The following HPN variants were observed in gnomAD, a reference collection of about 807,000 sequenced individuals.
HPN encodes the protein serine protease hepsin.
HPN carries 13 observed loss-of-function variants against 55.9 expected under a neutral mutation model. The observed-to-expected ratio is 0.23, with a 90% CI of 0.15 to 0.37. The LOEUF (loss-of-function observed/expected upper bound fraction) is 0.37, where lower values mean the gene tolerates loss of function less well. Among genes scored for constraint, HPN ranks in the 10% least tolerant of loss-of-function variants. The pLI, the probability that HPN is intolerant of heterozygous loss-of-function variation, is 1.00. For missense variants in HPN, 451 were observed against 575.8 expected, an observed-to-expected ratio of 0.78 and a Z score of 2.22; for synonymous variants, 225 against 240.3, an observed-to-expected ratio of 0.94 and a Z score of 0.59.
chr19:35,044,522 C>T (rs2064322788), intron 2 of HPN, among the ~76,000 whole-genome samples: 1 of 152,140 alleles, frequency 6.6e-6, no homozygotes, highest in Non-Finnish European at 1.5e-5. Flanking sequence ...CCTTGCAGTA[C>T]CAGGTCTCTC....
chr19:35,051,068 C>T (rs1158507680), intron 4 of HPN, among the ~76,000 whole-genome samples: 2 of 150,932 alleles, frequency 1.3e-5, no homozygotes, highest in African/African-American at 2.4e-5. Flanking sequence ...AGGCTAATGC[C>T]ACCATGCCTA....
Position 35,065,919 on chromosome 19 carries a change from C to A in HPN, c.1102C>A (p.Arg368Ser). Residue 368 changes from arginine (R) to serine (S), a missense_variant, in exon 12 of 13, where the codon CGT (arginine) becomes AGT (serine). Arg to Ser is a moderately radical substitution (Grantham distance 110). Transcript: ENST00000672452. ...TGAGGACAGCATCTCTCGGACGCCA[C>A]GTTGGCGGCTGTGTGGCATTGTGAG... ...VCEDSISRTP[R>S]WRLCGIVSWG... 1 of 1,614,102 alleles carries A rather than the reference C, an allele frequency of 6.2e-7. No homozygotes were observed. The highest frequency in any genetic ancestry group is 8.5e-7 in the Non-Finnish European group (1 of 1,180,038).
At chr19:35,053,652 T>G (rs1348691858) in intron 4 of HPN, among the ~76,000 whole-genome samples, 3 of 152,058 alleles carry the variant, frequency 2.0e-5, no homozygotes, top group Non-Finnish European at 4.4e-5. Flanking sequence ...GGCTGAGGCA[T>G]GAGAATCGCT....
chr19:35,048,701 C>T (rs937766396), intron 2 of HPN, among the ~76,000 whole-genome samples: 2 of 151,960 alleles, frequency 1.3e-5, no homozygotes, highest in African/African-American at 4.8e-5. Flanking sequence ...TGAGACCAGC[C>T]TGGGCAACAT....
intron 4 of HPN, 79 bp from the exon 5 acceptor site, chr19:35,059,594 A>G (rs1216373191): frequency 1.4e-5 from 21 of 1,527,806 alleles, no homozygotes; most frequent in Non-Finnish European, 1.9e-5. Flanking sequence ...AGCACAGGCC[A>G]GGAGGGGCTC....
chr19:35,066,527 C>T lies in HPN; in HGVS notation c.*240C>T. On this transcript the variant is annotated 3_prime_UTR_variant, in exon 13 of 13. Coordinates refer to ENST00000672452, the MANE Select transcript of HPN (RefSeq NM_001384133.1). ...CTGTCTGGGACTCCTGTCTAGGTGCCCCTGATGACGGGATGCTCTTTAAAT... is the reference window on the plus strand; with the variant it reads ...CTGTCTGGGACTCCTGTCTAGGTGCTCCTGATGACGGGATGCTCTTTAAAT... The T allele has an allele frequency of 1.8e-6, 1 of 560,920 alleles. No individual in the cohort carries two copies. Among genetic ancestry groups the T allele is most frequent in the South Asian group, 2.6e-5 (1 of 39,044 alleles). 34.7% of individuals were successfully genotyped at this position (560,920 alleles called of 1,614,324 possible).
intron 4 of HPN, among the ~76,000 whole-genome samples, chr19:35,054,459 A>T (rs1023126695): frequency 3.3e-5 from 5 of 149,674 alleles, no homozygotes; most frequent in East Asian, 3.9e-4. Flanking sequence ...ATCTCCGAGG[A>T]TGGTTGTGGG....
intron 4 of HPN, 33 bp downstream of exon 4, chr19:35,049,549 GC>G: frequency 1.3e-6 from 2 of 1,575,076 alleles, no homozygotes; most frequent in Non-Finnish European, 8.6e-7. Context: ...CTCTGGGGGA[GC>G]CCTGGAGGAC....
chr19:35,058,842 A>G lies in HPN; in HGVS notation c.161-831A>G, dbSNP rs372131438. Among the ~76,000 whole-genome samples the G allele has an allele frequency of 2.6e-5, 4 of 152,112 alleles. No individual in the cohort carries two copies. The East Asian group carries it at 7.7e-4, about 29-fold the overall frequency. On this transcript the variant is annotated intron_variant, in intron 4 of 12. Coordinates refer to ENST00000672452, the MANE Select transcript of HPN (RefSeq NM_001384133.1). ...AAAAAGACAAATGACAAACATACTAATAAAGAGCTTCGGTTTCTCCACAAA... is the reference window on the plus strand; with the variant it reads ...AAAAAGACAAATGACAAACATACTAGTAAAGAGCTTCGGTTTCTCCACAAA...
At chr19:35,043,419 C>G (rs2064313090) in intron 2 of HPN, among the ~76,000 whole-genome samples, 1 of 152,180 alleles carries the variant, frequency 6.6e-6, no homozygotes, top group Admixed American at 6.5e-5. Flanking sequence ...TCTTCCGCAA[C>G]CAGGATAGCC....
chr19:35,062,188 G>A (rs1568362906), intron 9 of HPN, among the ~76,000 whole-genome samples: 2 of 152,192 alleles, frequency 1.3e-5, no homozygotes, highest in Admixed American at 1.3e-4. Flanking sequence ...GTTGATTGAT[G>A]GTGGCAGGGT....
chr19:35,044,216 C>T (rs527516436), intron 2 of HPN, among the ~76,000 whole-genome samples: 4 of 152,282 alleles, frequency 2.6e-5, no homozygotes, highest in African/African-American at 7.2e-5. Flanking sequence ...GCCGTTGTGG[C>T]TGCAGCGGCT....
chr19:35,041,289 G>A (rs2064290824), upstream of HPN, among the ~76,000 whole-genome samples: 1 of 152,174 alleles, frequency 6.6e-6, no homozygotes, highest in Admixed American at 6.5e-5. Flanking sequence ...GGGAGAGGCT[G>A]GGGCTGGGGT....
chr19:35,062,961 A>G (rs1219462549), intron 9 of HPN, among the ~76,000 whole-genome samples: 2 of 152,238 alleles, frequency 1.3e-5, no homozygotes, highest in Non-Finnish European at 1.5e-5. Context: ...ATGATTGAGT[A>G]TTCGAGTATA....
At chr19:35,065,442 A>G in intron 10 of HPN, 97 bp downstream of exon 10, 1 of 1,562,264 alleles carries the variant, frequency 6.4e-7, no homozygotes. Flanking sequence ...CTTGACCATG[A>G]GGAGTAGGGA....
At chr19:35,063,839 G>T (rs960391575) in intron 9 of HPN, among the ~76,000 whole-genome samples, 1 of 152,172 alleles carries the variant, frequency 6.6e-6, no homozygotes, top group Non-Finnish European at 1.5e-5. Flanking sequence ...TGTGATCTTG[G>T]ACACATGGCT....
chr19:35,053,757 A>C (rs1204772733), intron 4 of HPN, among the ~76,000 whole-genome samples: 1 of 151,740 alleles, frequency 6.6e-6, no homozygotes, highest in Non-Finnish European at 1.5e-5. Context: ...AACAAACTTA[A>C]AATAGAATAA....
intron 4 of HPN, among the ~76,000 whole-genome samples, chr19:35,056,168 G>A (rs994269744): frequency 6.6e-6 from 1 of 151,870 alleles, no homozygotes. Context: ...TCCCAGGGAC[G>A]CTCTCCTTGC....
At chr19:35,060,548 C>T (rs1397048863) in intron 8 of HPN, 36 bp downstream of exon 8, 3 of 1,611,606 alleles carry the variant, frequency 1.9e-6, no homozygotes, top group South Asian at 1.1e-5. Context: ...GATGGGGAGG[C>T]AGAGGAGCGG....
Sources: gnomAD v4.1 joint callset for allele counts (sites outside exome capture counted in the v4.1 genomes callset) on GRCh38, gnomAD v4.1.1 for gene constraint, MANE v1.5 for transcripts, NCBI Gene and HGNC (gene_info 2026-07-23, HGNC 2026-07-21) for gene names.